The following CLIP4 variants were observed in gnomAD, a reference collection of about 807,000 sequenced individuals.
The protein encoded by CLIP4 is CAP-Gly domain-containing linker protein 4.
CLIP4 carries 47 observed loss-of-function variants against 73.1 expected under a neutral mutation model. That is an observed-to-expected ratio of 0.64 (90% CI 0.51 to 0.82). CLIP4 has a LOEUF of 0.82. Among genes scored for constraint, CLIP4 ranks in the 40% least tolerant of loss-of-function variants. The pLI is 0.00. For missense variants in CLIP4, 874 were observed against 852.9 expected (o/e 1.02, Z -0.31); for synonymous variants, 306 against 295.4 (o/e 1.04, Z -0.37).
chr2:29,156,875 A>G (rs199643487), intron 10 of CLIP4, among the ~76,000 whole-genome samples: 1 of 151,722 alleles, frequency 6.6e-6, no homozygotes, highest in African/African-American at 2.4e-5. Flanking sequence ...TTTTGTATAA[A>G]AGGGGACTCT....
intron 5 of CLIP4, among the ~76,000 whole-genome samples, chr2:29,134,461 A>G (rs1665205425): frequency 6.6e-6 from 1 of 152,210 alleles, no homozygotes; most frequent in African/African-American, 2.4e-5. Context: ...TCAGAGATTC[A>G]ATAGATAAAT....
At chr2:29,146,813 A>G (rs886891641) in intron 8 of CLIP4, among the ~76,000 whole-genome samples, 1 of 152,296 alleles carries the variant, frequency 6.6e-6, no homozygotes, top group Admixed American at 6.5e-5. Context: ...CACTATCATA[A>G]GGACTAGTGC....
intron 1 of CLIP4, among the ~76,000 whole-genome samples, chr2:29,110,347 G>A (rs892773091): frequency 6.6e-6 from 1 of 152,210 alleles, no homozygotes. Context: ...GGTTCCTGGG[G>A]TCTCCAGTGG....
chr2:29,104,765 C>T (rs1458791476), intron 1 of CLIP4, among the ~76,000 whole-genome samples: 3 of 152,202 alleles, frequency 2.0e-5, no homozygotes, highest in African/African-American at 7.2e-5. Flanking sequence ...CTATCAGCAA[C>T]AATGCCTCTA....
At position 29,181,581 on chromosome 2, in the gene CLIP4, T is replaced by G; in HGVS notation, c.1806T>G (p.Ala602=). The change falls in exon 16 of 16, where the codon GCT becomes GCG. Residue 602 remains alanine (A), a synonymous_variant. Coordinates refer to ENST00000320081, the MANE Select transcript of CLIP4 (RefSeq NM_024692.6). ...NRRNAFSKSK[A]ALRRSWSSTP... ...TTTCCCTTCCGCACAGATCGAAAGC[T>G]GCTTTGCGTCGCAGTTGGAGCAGCA... 1.9e-6 allele frequency: 3 copies of G among 1,605,610 alleles called. No homozygotes were observed. Among genetic ancestry groups the G allele is most frequent in the Non-Finnish European group, 2.6e-6 (3 of 1,174,154 alleles).
At position 29,140,766 on chromosome 2, in the gene CLIP4, G is replaced by A. The variant is rs140125173; in HGVS notation, c.649-2943G>A. On this transcript the variant is annotated intron_variant, in intron 6 of 15. Coordinates refer to ENST00000320081, the MANE Select transcript of CLIP4 (RefSeq NM_024692.6). ...GTTGTTTCCTGACATTTTAATGATC[G>A]CCATTCTAACAGGTGTGAGATGGTA... Among the ~76,000 whole-genome samples, 1,280 of 152,208 alleles carry A rather than the reference G, an allele frequency of 8.4e-3. 15 individuals are homozygous for A. The highest frequency in any genetic ancestry group is 0.028 in the African/African-American group (1,164 of 41,514).
chr2:29,134,920 T>C (rs1343466357), intron 5 of CLIP4, among the ~76,000 whole-genome samples: 3 of 152,342 alleles, frequency 2.0e-5, no homozygotes, highest in South Asian at 4.1e-4. Flanking sequence ...AATTAGACTT[T>C]AACTACTTTG....
chr2:29,174,613 G>A, intron 15 of CLIP4, 168 bp downstream of exon 15: 1 of 1,343,990 alleles, frequency 7.4e-7, no homozygotes, highest in East Asian at 2.9e-5. Flanking sequence ...TCCCTCCTTT[G>A]CAAGCGCAAT....
In CLIP4 at chr2:29,171,154, T is replaced by C. The variant is rs191875698; in HGVS notation, c.1724-3219T>C. Among the ~76,000 whole-genome samples the C allele has an allele frequency of 2.9e-3, 445 of 152,312 alleles. 7 individuals are homozygous for C. The highest frequency in any genetic ancestry group is 0.01 in the African/African-American group (429 of 41,574). ...ATAAAATAACTTGCTGGGATTTTAA[T>C]TGGGATTGCATTGACTATATAGATC... On this transcript the variant is annotated intron_variant, in intron 14 of 15. Transcript: ENST00000320081.
At chr2:29,110,039 CAG>C (rs1278705256) in intron 1 of CLIP4, among the ~76,000 whole-genome samples, 2 of 151,100 alleles carry the variant, frequency 1.3e-5, no homozygotes, top group African/African-American at 2.5e-5. Context: ...GCCTGGGTGA[CAG>C]AACAAGATTC....
intron 9 of CLIP4, 132 bp downstream of exon 9, chr2:29,152,960 T>G: frequency 1.0e-6 from 1 of 995,886 alleles, no homozygotes; most frequent in Non-Finnish European, 1.5e-6. Flanking sequence ...ACCTGCATCT[T>G]ATGTGTTTTT....
At chr2:29,160,093 G>A (rs1667190712) in intron 11 of CLIP4, among the ~76,000 whole-genome samples, 2 of 152,178 alleles carry the variant, frequency 1.3e-5, no homozygotes. Flanking sequence ...ATTTCCCATG[G>A]CAGTAATTTT....
At chr2:29,161,221 GC>G (rs1280139612) in intron 12 of CLIP4, among the ~76,000 whole-genome samples, 1 of 152,140 alleles carries the variant, frequency 6.6e-6, no homozygotes, top group Non-Finnish European at 1.5e-5. Flanking sequence ...TGATCTGCCC[GC>G]CTTGGCCTCC....
chr2:29,135,678 A>C lies in CLIP4; in HGVS notation c.648+12A>C. 6.5e-7 allele frequency: 1 copy of C among 1,534,080 alleles called. No homozygotes were observed. Among genetic ancestry groups the C allele is most frequent in the Non-Finnish European group, 8.9e-7 (1 of 1,124,496 alleles). ...ATCCTGCATTTAGGGTAAGAGGTTA[A>C]ATTAAAAGTGAAAAATATTAAAAGA... On this transcript the variant is annotated intron_variant, in intron 6 of 15. Transcript: ENST00000320081.
intron 8 of CLIP4, among the ~76,000 whole-genome samples, chr2:29,146,482 T>G (rs1285222453): frequency 6.6e-6 from 1 of 152,244 alleles, no homozygotes. Flanking sequence ...AAATTCTTTC[T>G]GACATGTTTA....
chr2:29,179,292 T>C (rs1448170290), intron 15 of CLIP4, among the ~76,000 whole-genome samples: 5 of 152,276 alleles, frequency 3.3e-5, no homozygotes, highest in Admixed American at 6.5e-5. Flanking sequence ...TTTTCTAGAA[T>C]ATGTTTTCTA....
intron 11 of CLIP4, among the ~76,000 whole-genome samples, chr2:29,158,959 A>G (rs1667115199): frequency 1.3e-5 from 2 of 152,120 alleles, no homozygotes; most frequent in East Asian, 1.9e-4. Context: ...TGAACTTGCC[A>G]TCTTTGGTTC....
chr2:29,114,900 A>T (rs930017145), upstream of CLIP4: 1 of 152,306 alleles, frequency 6.6e-6, no homozygotes, highest in African/African-American at 2.4e-5. Flanking sequence ...TTGTTACCAG[A>T]TGACAGAGAG....
At chr2:29,163,723 T>A (rs974211531) in intron 12 of CLIP4, 108 bp from the exon 13 acceptor site, 1 of 1,037,382 alleles carries the variant, frequency 9.6e-7, no homozygotes, top group Non-Finnish European at 1.4e-6. Flanking sequence ...TTCCCTCATT[T>A]TGGTCATTTA....
Sources: gnomAD v4.1 joint callset for allele counts (sites outside exome capture counted in the v4.1 genomes callset) on GRCh38, gnomAD v4.1.1 for gene constraint, MANE v1.5 for transcripts, NCBI Gene and HGNC (gene_info 2026-07-23, HGNC 2026-07-21) for gene names.